CEP162: variants seen among roughly 807,000 people sequenced by gnomAD.
CEP162 encodes the protein centrosomal protein of 162 kDa.
CEP162 carries 141 observed loss-of-function variants against 169.2 expected under a neutral mutation model. That is an observed-to-expected ratio of 0.83 (90% confidence interval 0.73 to 0.96). The LOEUF is 0.96. Among genes scored for constraint, CEP162 ranks in the 40% least tolerant of loss-of-function variants. The pLI is 0.00. For synonymous variants in CEP162, 540 were observed against 526.4 expected (o/e 1.03, Z -0.35); for missense variants, 1,600 against 1,587.2 (o/e 1.01, Z -0.14).
intron 21 of CEP162, among the ~76,000 whole-genome samples, chr6:84,156,743 G>A (rs535022637): frequency 1.2e-3 from 156 of 125,654 alleles, no homozygotes; most frequent in Middle Eastern, 3.7e-3. Flanking sequence ...GTATCAAAAA[G>A]ACACACACAC....
intron 21 of CEP162, among the ~76,000 whole-genome samples, chr6:84,157,662 G>GT (rs1016741577): frequency 1.3e-5 from 2 of 151,396 alleles, no homozygotes; most frequent in African/African-American, 4.9e-5. Context: ...GTGAGACAAC[G>GT]TCTCAAAAAA....
intron 6 of CEP162, among the ~76,000 whole-genome samples, chr6:84,211,826 G>C (rs191009895): frequency 1.1e-4 from 16 of 149,566 alleles, no homozygotes; most frequent in Admixed American, 8.7e-4. Flanking sequence ...ATAGATCAAT[G>C]ATGCTCAACC....
intron 6 of CEP162, among the ~76,000 whole-genome samples, chr6:84,205,848 A>G (rs1215547855): frequency 6.6e-6 from 1 of 150,650 alleles, no homozygotes; most frequent in African/African-American, 2.5e-5. Flanking sequence ...AATCTCCTTA[A>G]GCTGATAAGC....
At chr6:84,155,076 T>C (rs1325132743) in intron 22 of CEP162, among the ~76,000 whole-genome samples, 1 of 152,174 alleles carries the variant, frequency 6.6e-6, no homozygotes, top group Non-Finnish European at 1.5e-5. Context: ...AGAGATGATG[T>C]AAAGATTATC....
At chr6:84,127,057 G>C (rs1044012721) in intron 25 of CEP162, among the ~76,000 whole-genome samples, 4 of 152,084 alleles carry the variant, frequency 2.6e-5, no homozygotes, top group Non-Finnish European at 4.4e-5. Flanking sequence ...AGCCCTTTCT[G>C]TGTTGACTGC....
intron 6 of CEP162, among the ~76,000 whole-genome samples, chr6:84,205,480 C>G (rs1258206790): frequency 1.3e-5 from 2 of 152,196 alleles, no homozygotes; most frequent in Non-Finnish European, 2.9e-5. Context: ...ACATGATTAT[C>G]TCAATAGATT....
rs1470020304 is a variant in CEP162 at position 84,154,363 on chromosome 6, TCTATCTATCTATCTAC to T, written c.2994+919_2994+934del. Among the ~76,000 whole-genome samples, 607 of 148,334 alleles carry T rather than the reference TCTATCTATCTATCTAC, an allele frequency of 4.1e-3. 1 individual carries two copies. The highest frequency in any genetic ancestry group is 0.01 in the African/African-American group (421 of 40,974). On this transcript the variant is annotated intron_variant, in intron 22 of 26. Coordinates refer to ENST00000403245, the MANE Select transcript of CEP162 (RefSeq NM_014895.4). The stretch of plus-strand genomic sequence containing the variant: ...GTCTGTCTGTCTGTCTGTCTGTCTA[TCTATCTATCTATCTAC>T]CTATCTATCTATCTATCTATGTATC...
chr6:84,163,191 A>AT lies in CEP162; in HGVS notation c.2464dup (p.Met822AsnfsTer18). The AT allele has an allele frequency of 6.2e-7, 1 of 1,612,778 alleles. No homozygotes were observed. The highest frequency in any genetic ancestry group is 8.5e-7 in the Non-Finnish European group (1 of 1,179,384). The stretch of plus-strand genomic sequence containing the variant: ...TTTGGCTTGGTCCCTCTCTTTCTTC[A>AT]TTTTTTCGAAGTCTACTTCAAGAGC... On this transcript the variant is annotated frameshift_variant, in exon 19 of 27. Transcript: ENST00000403245. LOFTEE classifies it high-confidence loss of function.
At chr6:84,197,577 CT>C (rs1462973080) in intron 9 of CEP162, among the ~76,000 whole-genome samples, 2 of 152,004 alleles carry the variant, frequency 1.3e-5, no homozygotes, top group Non-Finnish European at 2.9e-5. Context: ...CTTTGGGAGG[CT>C]GAAGCAGGTG....
chr6:84,226,197 G>A (rs1179166558), intron 2 of CEP162, 140 bp downstream of exon 2: 7 of 616,576 alleles, frequency 1.1e-5, no homozygotes, highest in Non-Finnish European at 8.7e-6. Flanking sequence ...ACTAGCAGTG[G>A]CAGAAAAGGG....
In CEP162 at chr6:84,215,268, A is replaced by T; in HGVS notation, c.503+14T>A. On this transcript the variant is annotated intron_variant, in intron 5 of 26. Transcript: ENST00000403245. ...AAATCATAAAAATCATTAATAGTTT[A>T]CACTGTACTTTACCTATGTAAAGCT... 7.0e-7 allele frequency: 1 copy of T among 1,432,276 alleles called. No individual in the cohort carries two copies. The highest frequency in any genetic ancestry group is 9.5e-7 in the Non-Finnish European group (1 of 1,052,362). 88.7% of individuals were successfully genotyped at this position (1,432,276 alleles called of 1,614,324 possible).
chr6:84,213,393 T>A (rs866560671), intron 5 of CEP162, among the ~76,000 whole-genome samples: 3 of 152,140 alleles, frequency 2.0e-5, no homozygotes, highest in Non-Finnish European at 4.4e-5. Flanking sequence ...GAAGTCCATA[T>A]GAAAGCCAGA....
intron 3 of CEP162, among the ~76,000 whole-genome samples, chr6:84,216,980 T>G (rs2099551809): frequency 6.6e-6 from 1 of 152,132 alleles, no homozygotes; most frequent in Admixed American, 6.5e-5. Flanking sequence ...GTAGCAAAGG[T>G]TCTGAGTATT....
intron 25 of CEP162, among the ~76,000 whole-genome samples, chr6:84,134,608 C>T (rs376213659): frequency 1.6e-4 from 24 of 152,114 alleles, no homozygotes; most frequent in South Asian, 8.3e-4. Flanking sequence ...GGGAGTTCCC[C>T]GACCCCTTGC....
intron 25 of CEP162, among the ~76,000 whole-genome samples, chr6:84,133,859 T>C (rs2099512687): frequency 6.6e-6 from 1 of 152,188 alleles, no homozygotes; most frequent in South Asian, 2.1e-4. Flanking sequence ...CTCCTTGGGC[T>C]GTACCCACTG....
In CEP162 at chr6:84,194,915, C is replaced by A. The variant is rs760640732; in HGVS notation, c.996G>T (p.Glu332Asp). The A allele has an allele frequency of 6.2e-7, 1 of 1,607,130 alleles. No homozygotes were observed. The highest frequency in any genetic ancestry group is 1.3e-5 in the African/African-American group (1 of 74,308). The change falls in exon 10 of 27, where the codon GAG (glutamate) becomes GAT (aspartate). Residue 332 changes from glutamate (E) to aspartate (D), a missense_variant. Transcript: ENST00000403245. ...CCATAGTAGAGATGTTTTTTGAATTCTCTTCATTTTCTTGAGGATGACCTT... is the reference window on the plus strand; with the variant it reads ...CCATAGTAGAGATGTTTTTTGAATTATCTTCATTTTCTTGAGGATGACCTT... ...SVKGHPQENEENSKNISTMES... is the reference protein window; with the variant it reads ...SVKGHPQENEDNSKNISTMES...
chr6:84,187,577 G>A (rs987177037), intron 11 of CEP162, among the ~76,000 whole-genome samples: 1 of 152,080 alleles, frequency 6.6e-6, no homozygotes, highest in Non-Finnish European at 1.5e-5. Context: ...ATCTAGATGG[G>A]ACCATTTACT....
chr6:84,198,990 T>C (rs900862975), intron 9 of CEP162, among the ~76,000 whole-genome samples: 1 of 152,194 alleles, frequency 6.6e-6, no homozygotes, highest in African/African-American at 2.4e-5. Context: ...TTTTAAATAA[T>C]TTTTGCTTTC....
In CEP162 at chr6:84,213,579, C is replaced by T. The variant is rs2099550389; in HGVS notation, c.504-555G>A. Among the ~76,000 whole-genome samples, 4 of 152,134 alleles carry T rather than the reference C, an allele frequency of 2.6e-5. No individual in the cohort carries two copies. In the South Asian group the frequency reaches 8.3e-4, roughly 32 times the overall value. ...CTTTCTCTCAAACCAAGAATCAGTTCTACCTTTTCAGTCTATCAACCCTAT... is the reference window on the plus strand; with the variant it reads ...CTTTCTCTCAAACCAAGAATCAGTTTTACCTTTTCAGTCTATCAACCCTAT... On this transcript the variant is annotated intron_variant, in intron 5 of 26. Coordinates refer to ENST00000403245, the MANE Select transcript of CEP162 (RefSeq NM_014895.4).
Sources: gnomAD v4.1 joint callset for allele counts (sites outside exome capture counted in the v4.1 genomes callset) on GRCh38, gnomAD v4.1.1 for gene constraint, MANE v1.5 for transcripts, NCBI Gene and HGNC (gene_info 2026-07-23, HGNC 2026-07-21) for gene names.